PBX1: variants seen among roughly 807,000 people sequenced by gnomAD.
PBX1 encodes the protein pre-B-cell leukemia transcription factor 1.
A neutral mutation model predicts 53.4 loss-of-function variants in PBX1; 6 were observed. The observed-to-expected ratio is 0.11, with a 90% CI of 0.06 to 0.22. PBX1 has a LOEUF of 0.22. Ranked by LOEUF, PBX1 falls within the 10% of genes least tolerant of loss-of-function variation. PBX1 has a pLI of 1.00. For missense variants in PBX1, 251 were observed against 551.4 expected (o/e 0.46, Z 5.46); for synonymous variants, 204 against 212.3 (o/e 0.96, Z 0.34).
intron 2 of PBX1, chr1:164,605,101 G>A (rs906320212): frequency 2.6e-5 from 4 of 152,046 alleles, no homozygotes; most frequent in Non-Finnish European, 5.9e-5. Context: ...ATGCTGTGAT[G>A]GGGATACTGA....
At chr1:164,608,244 C>T (rs1656688351) in intron 2 of PBX1, among the ~76,000 whole-genome samples, 1 of 152,150 alleles carries the variant, frequency 6.6e-6, no homozygotes, top group South Asian at 2.1e-4. Context: ...GTGCCAGGTG[C>T]TCAATAAATG....
chr1:164,626,209 C>A, intron 2 of PBX1: 2 of 549,460 alleles, frequency 3.6e-6, no homozygotes, highest in Non-Finnish European at 2.4e-6. Flanking sequence ...GTTGAGGGAA[C>A]CACACATCTA....
chr1:164,860,145 C>T (rs909046139), intron 2 of PBX1, among the ~76,000 whole-genome samples: 1 of 152,158 alleles, frequency 6.6e-6, no homozygotes, highest in Non-Finnish European at 1.5e-5. Context: ...ATCCCTCACA[C>T]CCAGAAGCAG....
At chr1:164,802,674 C>T (rs1389382184) in intron 4 of PBX1, among the ~76,000 whole-genome samples, 6 of 152,170 alleles carry the variant, frequency 3.9e-5, no homozygotes, top group African/African-American at 1.2e-4. Context: ...ACTAACCTTT[C>T]GGCCCTTTAT....
intron 2 of PBX1, chr1:164,769,125 A>G (rs1667234678): frequency 6.6e-6 from 1 of 152,212 alleles, no homozygotes; most frequent in South Asian, 2.1e-4. Context: ...TGATTCGAAC[A>G]TCAGATTCTT....
intron 1 of PBX1, among the ~76,000 whole-genome samples, chr1:164,562,307 A>G (rs1192211546): frequency 6.6e-6 from 1 of 152,160 alleles, no homozygotes; most frequent in Non-Finnish European, 1.5e-5. Context: ...ATCTTTACAC[A>G]TTAATTTTAG....
At chr1:164,724,492 A>G (rs1043635981) in intron 2 of PBX1, among the ~76,000 whole-genome samples, 17 of 152,118 alleles carry the variant, frequency 1.1e-4, no homozygotes, top group Admixed American at 3.3e-4. Context: ...TCACAAAAAA[A>G]TCTTATAATG....
chr1:164,821,664 T>C, intron 8 of PBX1, 38 bp downstream of exon 8: 2 of 1,503,670 alleles, frequency 1.3e-6, no homozygotes, highest in Non-Finnish European at 1.9e-6. Context: ...GCTTTGTTTT[T>C]ATTCTTTCAC....
At chr1:164,713,038 G>A (rs58082778) in intron 2 of PBX1, among the ~76,000 whole-genome samples, 225 of 152,308 alleles carry the variant, frequency 1.5e-3, no homozygotes, top group African/African-American at 5.2e-3. Flanking sequence ...GCACAGGCAA[G>A]TCTTGAGTGT....
intron 2 of PBX1, among the ~76,000 whole-genome samples, chr1:164,645,071 G>T (rs747927813): frequency 4.9e-4 from 75 of 152,190 alleles, no homozygotes; most frequent in Admixed American, 3.1e-3. Flanking sequence ...TTTTTAATAT[G>T]AGCAGAGACA....
At chr1:164,668,983 C>T (rs956353065) in intron 2 of PBX1, among the ~76,000 whole-genome samples, 3 of 152,130 alleles carry the variant, frequency 2.0e-5, no homozygotes, top group African/African-American at 4.8e-5. Flanking sequence ...CTGTGTGTTA[C>T]GATTCCCGCA....
intron 2 of PBX1, among the ~76,000 whole-genome samples, chr1:164,627,738 C>A (rs1658138619): frequency 6.6e-6 from 1 of 152,170 alleles, no homozygotes; most frequent in Admixed American, 6.5e-5. Flanking sequence ...GGCAGGCATT[C>A]ATGGCTGTGC....
chr1:164,717,558 T>C (rs1430654346), intron 2 of PBX1, among the ~76,000 whole-genome samples: 1 of 152,216 alleles, frequency 6.6e-6, no homozygotes, highest in Non-Finnish European at 1.5e-5. Flanking sequence ...AGCTCTGAGA[T>C]GGTCGGAGTA....
chr1:164,595,397 T>C (rs1020531497), intron 2 of PBX1, among the ~76,000 whole-genome samples: 1 of 152,136 alleles, frequency 6.6e-6, no homozygotes, highest in Non-Finnish European at 1.5e-5. Flanking sequence ...GCAAGTTGGC[T>C]GTGAAGCAGT....
chr1:164,605,803 C>A (rs1656507922), intron 2 of PBX1, among the ~76,000 whole-genome samples: 1 of 152,174 alleles, frequency 6.6e-6, no homozygotes, highest in African/African-American at 2.4e-5. Context: ...TAAACAACAT[C>A]TATTTGCATA....
At chr1:164,877,617 C>G (rs1032991135) in intron 2 of PBX1, among the ~76,000 whole-genome samples, 5 of 151,796 alleles carry the variant, frequency 3.3e-5, no homozygotes, top group African/African-American at 1.2e-4. Context: ...GAGCTGAGAT[C>G]GCGCCACTGC....
chr1:164,616,725 A>G (rs1657305371), intron 2 of PBX1, among the ~76,000 whole-genome samples: 1 of 152,190 alleles, frequency 6.6e-6, no homozygotes, highest in Non-Finnish European at 1.5e-5. Context: ...CTTCAGAGGG[A>G]GCTGCATTTT....
intron 3 of PBX1, among the ~76,000 whole-genome samples, chr1:164,796,408 T>C (rs1668790290): frequency 2.0e-5 from 3 of 152,220 alleles, no homozygotes; most frequent in African/African-American, 7.2e-5. Context: ...AATTATCTTG[T>C]GGCTTTGTAG....
rs1656790462 is a variant in PBX1, at chr1:164,609,828, C to T, written c.265+46517C>T. ...GGCACGTAGTAGGCACTCAGTCTTT[C>T]TTTAGTTAAATACAATGAATAATTT... On this transcript the variant is annotated intron_variant, in intron 2 of 8. Coordinates refer to ENST00000420696, the MANE Select transcript of PBX1 (RefSeq NM_002585.4). Among the ~76,000 whole-genome samples the T allele has an allele frequency of 2.0e-5, 3 of 152,180 alleles. No homozygotes were observed. The South Asian group carries it at 6.2e-4, about 32-fold the overall frequency.
Sources: gnomAD v4.1 joint callset for allele counts (sites outside exome capture counted in the v4.1 genomes callset) on GRCh38, gnomAD v4.1.1 for gene constraint, MANE v1.5 for transcripts, NCBI Gene and HGNC (gene_info 2026-07-23, HGNC 2026-07-21) for gene names.